Variants in MACROD2 observed in about 807,000 individuals in gnomAD.
MACROD2 encodes mono-ADP ribosylhydrolase 2, also known as ADP-ribose glycohydrolase MACROD2.
A neutral mutation model predicts 70.4 loss-of-function variants in MACROD2; 36 were observed. The ratio of observed to expected loss-of-function variants is 0.51; its 90% CI spans 0.39 to 0.68. The LOEUF (loss-of-function observed/expected upper bound fraction) is 0.68, where lower values mean the gene tolerates loss of function less well. MACROD2 is among the 30% of genes least tolerant of loss of function. The probability of loss-of-function intolerance (pLI) is 0.00; values close to 1 mark genes in which losing one functional copy is unlikely to be tolerated. For missense variants in MACROD2, 496 were observed against 538.4 expected (o/e 0.92, Z 0.78); for synonymous variants, 172 against 178.8 (o/e 0.96, Z 0.30).
chr20:16,046,827 C>T (rs57918528), intron 17 of MACROD2, among the ~76,000 whole-genome samples: 13,811 of 151,562 alleles, frequency 0.091, 946 homozygotes, highest in African/African-American at 0.19. Context: ...ATTACAGTCG[C>T]GTACCACCAC....
chr20:14,611,698 G>T (rs984371366), intron 4 of MACROD2, among the ~76,000 whole-genome samples: 8 of 151,962 alleles, frequency 5.3e-5, no homozygotes, highest in African/African-American at 1.5e-4. Context: ...AAAAGGAAGG[G>T]CATTCTTTCC....
At chr20:15,930,875 C>T (rs1230647703) in intron 10 of MACROD2, among the ~76,000 whole-genome samples, 1 of 152,192 alleles carries the variant, frequency 6.6e-6, no homozygotes, top group African/African-American at 2.4e-5. Context: ...ACTATTAGAA[C>T]CAATTCCTCA....
chr20:15,333,477 TGAGA>T (rs1274270164), intron 6 of MACROD2, among the ~76,000 whole-genome samples: 1 of 151,490 alleles, frequency 6.6e-6, no homozygotes, highest in Admixed American at 6.6e-5. Flanking sequence ...GGATCAGAAC[TGAGA>T]GAGAAATTTT....
intron 3 of MACROD2, among the ~76,000 whole-genome samples, chr20:14,346,277 A>C (rs1025216727): frequency 6.6e-6 from 1 of 152,080 alleles, no homozygotes; most frequent in African/African-American, 2.4e-5. Flanking sequence ...CAAAAACATA[A>C]ACACTACAAG....
chr20:14,235,355 A>C lies in MACROD2; in HGVS notation c.271+149627A>C, dbSNP rs2081859260. On this transcript the variant is annotated intron_variant, in intron 3 of 17. Coordinates refer to ENST00000684519, the MANE Select transcript of MACROD2 (RefSeq NM_001351661.2). The stretch of plus-strand genomic sequence containing the variant: ...TTTTCACACACATGCATACATACAC[A>C]CACATTCCCATTTTGTAGATTATAA... Among the ~76,000 whole-genome samples, 5 of 152,266 alleles carry C rather than the reference A, an allele frequency of 3.3e-5. No homozygotes were observed. The South Asian group carries it at 8.3e-4, about 25-fold the overall frequency.
chr20:15,739,314 A>G (rs1169133628), intron 8 of MACROD2, among the ~76,000 whole-genome samples: 2 of 152,184 alleles, frequency 1.3e-5, no homozygotes, highest in Admixed American at 6.5e-5. Context: ...ATTGTAAATA[A>G]TTTGGAGCTC....
At chr20:14,363,608 C>T (rs995362387) in intron 3 of MACROD2, among the ~76,000 whole-genome samples, 1 of 151,426 alleles carries the variant, frequency 6.6e-6, no homozygotes, top group African/African-American at 2.4e-5. Flanking sequence ...ATCACGAGGT[C>T]AGGATATCGA....
chr20:15,498,267 C>G (rs1291190855), intron 7 of MACROD2, among the ~76,000 whole-genome samples: 3 of 152,124 alleles, frequency 2.0e-5, no homozygotes, highest in Non-Finnish European at 4.4e-5. Flanking sequence ...TTTTCTTGTC[C>G]TCTCACTCAT....
At chr20:14,007,709 T>G (rs191742607) in intron 2 of MACROD2, among the ~76,000 whole-genome samples, 5 of 152,306 alleles carry the variant, frequency 3.3e-5, no homozygotes, top group Admixed American at 2.0e-4. Context: ...GTGTTAAGGC[T>G]CCACTAGAAT....
At chr20:15,667,711 G>A (rs62194062) in intron 8 of MACROD2, among the ~76,000 whole-genome samples, 6,059 of 152,042 alleles carry the variant, frequency 0.04, 250 homozygotes, top group East Asian at 0.2. Context: ...CACCTGTTAC[G>A]GCTCTTTACT....
At chr20:14,644,921 G>T (rs1423499623) in intron 4 of MACROD2, among the ~76,000 whole-genome samples, 6 of 152,108 alleles carry the variant, frequency 3.9e-5, no homozygotes, top group Admixed American at 3.9e-4. Context: ...GGGAGTGTAG[G>T]CAGGAAACAA....
intron 6 of MACROD2, among the ~76,000 whole-genome samples, chr20:15,242,274 A>G (rs1017980927): frequency 6.6e-6 from 1 of 152,224 alleles, no homozygotes; most frequent in Non-Finnish European, 1.5e-5. Context: ...TGTCAAAATC[A>G]TAAAAGAAAA....
chr20:15,170,166 T>C (rs2076413151), intron 5 of MACROD2, among the ~76,000 whole-genome samples: 2 of 152,216 alleles, frequency 1.3e-5, no homozygotes, highest in South Asian at 4.1e-4. Context: ...AACTATCTAG[T>C]TTTTCCTAAA....
chr20:14,618,545 C>T lies in MACROD2; in HGVS notation c.302-66298C>T, dbSNP rs564331599. Among the ~76,000 whole-genome samples, 208 of 152,192 alleles carry T rather than the reference C, an allele frequency of 1.4e-3. 1 individual carries two copies. Among genetic ancestry groups the T allele is most frequent in the Middle Eastern group, 3.4e-3 (1 of 294 alleles). On this transcript the variant is annotated intron_variant, in intron 4 of 17. Transcript: ENST00000684519. ...ACTCAATCTGTGTTAGCTGCTATCT[C>T]GGGAATGGGCAGTCAGTGGCATGTG...
intron 3 of MACROD2, among the ~76,000 whole-genome samples, chr20:14,441,164 C>T (rs2084117654): frequency 6.6e-6 from 1 of 152,162 alleles, no homozygotes; most frequent in Admixed American, 6.5e-5. Flanking sequence ...TATGTGACTT[C>T]TAATGCTAGA....
At chr20:15,051,442 G>T (rs1287087240) in intron 5 of MACROD2, among the ~76,000 whole-genome samples, 1 of 150,238 alleles carries the variant, frequency 6.7e-6, no homozygotes, top group Non-Finnish European at 1.5e-5. Context: ...CTGGGGACTG[G>T]CAAGCTTAAA....
intron 3 of MACROD2, among the ~76,000 whole-genome samples, chr20:14,305,613 G>A (rs1019669498): frequency 1.7e-4 from 26 of 152,206 alleles, no homozygotes; most frequent in Middle Eastern, 3.4e-3. Flanking sequence ...ATTCAACAAA[G>A]TTGTTGAAAG....
In MACROD2 at chr20:15,512,892, G is replaced by A. The variant is rs538133036; in HGVS notation, c.645+13045G>A. Among the ~76,000 whole-genome samples, 3 of 152,294 alleles carry A rather than the reference G, an allele frequency of 2.0e-5. No homozygotes were observed. In the South Asian group the frequency reaches 6.2e-4, roughly 32 times the overall value. ...CTCTGAAAACAATTAGAGGCTGATG[G>A]GGTGTGCATTTGACAGTGCAAATGG... On this transcript the variant is annotated intron_variant, in intron 8 of 17. Coordinates refer to ENST00000684519, the MANE Select transcript of MACROD2 (RefSeq NM_001351661.2).
At chr20:14,215,031 T>C (rs545990366) in intron 3 of MACROD2, among the ~76,000 whole-genome samples, 170 of 150,612 alleles carry the variant, frequency 1.1e-3, no homozygotes, top group African/African-American at 3.7e-3. Flanking sequence ...TATGTGTGTG[T>C]ACATATATTC....
Sources: gnomAD v4.1 joint callset for allele counts (sites outside exome capture counted in the v4.1 genomes callset) on GRCh38, gnomAD v4.1.1 for gene constraint, MANE v1.5 for transcripts, NCBI Gene and HGNC (gene_info 2026-07-23, HGNC 2026-07-21) for gene names.